Variants in HMCN1 observed in about 807,000 individuals in gnomAD.
HMCN1 encodes hemicentin-1.
A neutral mutation model predicts 625.9 loss-of-function variants in HMCN1; 321 were observed. The observed-to-expected ratio is 0.51, with a 90% confidence interval of 0.47 to 0.56. The LOEUF is 0.56. HMCN1 is among the 20% of genes least tolerant of loss of function. The pLI is 0.00. For missense variants in HMCN1, 6,588 were observed against 6,887.3 expected, an observed-to-expected ratio of 0.96 and a Z score of 1.54; for synonymous variants, 2,425 against 2,417.6, an observed-to-expected ratio of 1.00 and a Z score of -0.09.
chr1:185,803,664 G>T (rs1279469405), intron 1 of HMCN1, among the ~76,000 whole-genome samples: 1 of 152,080 alleles, frequency 6.6e-6, no homozygotes, highest in Non-Finnish European at 1.5e-5. Context: ...GTGAGATTAG[G>T]TAGAATTCTA....
intron 71 of HMCN1, among the ~76,000 whole-genome samples, 169 bp downstream of exon 71, chr1:186,108,766 AT>A (rs1660742068): frequency 6.6e-6 from 1 of 152,130 alleles, no homozygotes. Context: ...TATTTGCTTT[AT>A]TATTTGCCTT....
intron 52 of HMCN1, among the ~76,000 whole-genome samples, chr1:186,071,830 A>T (rs949472309): frequency 2.6e-5 from 4 of 152,166 alleles, no homozygotes; most frequent in African/African-American, 9.6e-5. Flanking sequence ...TCAATTCTTT[A>T]TGAGTTTACT....
intron 98 of HMCN1, 34 bp downstream of exon 98, chr1:186,165,207 A>C: frequency 6.4e-7 from 1 of 1,569,148 alleles, no homozygotes; most frequent in Non-Finnish European, 8.8e-7. Context: ...GTTTTCTTTT[A>C]ATGAAAATGT....
At chr1:185,800,311 G>A (rs190406152) in intron 1 of HMCN1, among the ~76,000 whole-genome samples, 4 of 152,156 alleles carry the variant, frequency 2.6e-5, no homozygotes, top group East Asian at 1.9e-4. Flanking sequence ...TCCCTTAGAC[G>A]ATCTAGTTGA....
At chr1:186,117,660 G>C in intron 77 of HMCN1, 37 bp downstream of exon 77, 1 of 1,585,976 alleles carries the variant, frequency 6.3e-7, no homozygotes, top group Non-Finnish European at 8.7e-7. Flanking sequence ...TCTATTGATT[G>C]TATTATTTAT....
chr1:185,873,514 C>T (rs1663755036), intron 4 of HMCN1, among the ~76,000 whole-genome samples: 1 of 152,196 alleles, frequency 6.6e-6, no homozygotes, highest in African/African-American at 2.4e-5. Flanking sequence ...CACAAGGGAA[C>T]ATGCAAAAAA....
chr1:185,951,693 C>T (rs530444644), intron 11 of HMCN1, among the ~76,000 whole-genome samples: 4 of 151,828 alleles, frequency 2.6e-5, no homozygotes, highest in South Asian at 2.1e-4. Context: ...ACAGATGGGA[C>T]GTGGCTTAGG....
At position 186,189,844 on chromosome 1, in the gene HMCN1, T is replaced by A; in HGVS notation, c.16874T>A (p.Ile5625Lys). 1.8e-5 allele frequency: 29 copies of A among 1,613,806 alleles called. No individual in the cohort carries two copies. The highest frequency in any genetic ancestry group is 2.5e-5 in the Non-Finnish European group (29 of 1,179,796). Reference sequence around the variant, plus strand: ...ACCATTGAATATCAGACCACATTCATAGTTTATATAGCTGTGTCCGCCTAT... The same window carrying A: ...ACCATTGAATATCAGACCACATTCAAAGTTTATATAGCTGTGTCCGCCTAT... ...NGTIEYQTTF[I>K]VYIAVSAYPY The change falls in exon 107 of 107, where the codon ATA (isoleucine) becomes AAA (lysine). Residue 5625 changes from isoleucine to lysine, a missense_variant. By Grantham distance (102) the Ile-to-Lys change is moderately radical (BLOSUM62 -3). Around this residue, in one of 3 missense-constraint regions of HMCN1, gnomAD observed 1,954 missense variants for 2,013.1 expected, o/e 0.97. Coordinates refer to ENST00000271588, the MANE Select transcript of HMCN1 (RefSeq NM_031935.3).
At position 185,949,146 on chromosome 1, in the gene HMCN1, A is replaced by T. The variant is rs868684990; in HGVS notation, c.1829-13372A>T. 4.0e-3 allele frequency among the ~76,000 whole-genome samples: 607 copies of T among 151,434 alleles called. 8 individuals are homozygous for T. The highest frequency in any genetic ancestry group is 0.014 in the African/African-American group (569 of 40,858). The stretch of plus-strand genomic sequence containing the variant: ...AGATTATTTATTTACTTCAAGAGTT[A>T]AGAGTGGCAGTTTGGGGATAGCACC... On this transcript the variant is annotated intron_variant, in intron 11 of 106. Transcript: ENST00000271588.
At chr1:185,970,131 A>T (rs750855209) in intron 14 of HMCN1, among the ~76,000 whole-genome samples, 3 of 152,210 alleles carry the variant, frequency 2.0e-5, no homozygotes, top group African/African-American at 4.8e-5. Context: ...TTAGTTACAC[A>T]TACAGATATA....
Position 185,828,436 on chromosome 1 carries a change from T to C in HMCN1, c.269-17590T>C, listed in dbSNP as rs1273567794. On this transcript the variant is annotated intron_variant, in intron 1 of 106. Coordinates refer to ENST00000271588, the MANE Select transcript of HMCN1 (RefSeq NM_031935.3). Reference sequence around the variant, plus strand: ...TATGTACTAACAACATCAACATTCATAGAACAAAACAATAACAGAAGATAT... The same window carrying C: ...TATGTACTAACAACATCAACATTCACAGAACAAAACAATAACAGAAGATAT... Among the ~76,000 whole-genome samples the C allele has an allele frequency of 2.6e-5, 4 of 152,080 alleles. No homozygotes were observed. In the East Asian group the frequency reaches 7.7e-4, roughly 29 times the overall value.
chr1:186,117,267 G>A lies in HMCN1; in HGVS notation c.11683+152G>A, dbSNP rs997015586. ...GCAGGTTCGTTATATGGGTAAACTA[G>A]TGTCATGGGGGTTTGTTGTACAAAT... is the stretch of plus-strand genomic sequence containing the variant. On this transcript the variant is annotated intron_variant, in intron 76 of 106. Coordinates refer to ENST00000271588, the MANE Select transcript of HMCN1 (RefSeq NM_031935.3). 7.7e-6 allele frequency: 9 copies of A among 1,168,616 alleles called. No homozygotes were observed. In the African/African-American group the frequency reaches 1.4e-4, roughly 18 times the overall value. The allele number at this position is 1,168,616 out of a possible 1,614,324, so 72.4% of individuals were successfully genotyped here. A position where few individuals can be genotyped will look rare whatever the true frequency, so the allele number is the denominator to read the frequency against.
At chr1:186,130,985 TACAA>T (rs1337989949) in intron 85 of HMCN1, among the ~76,000 whole-genome samples, 1 of 152,148 alleles carries the variant, frequency 6.6e-6, no homozygotes, top group African/African-American at 2.4e-5. Context: ...ATTGAAGAAT[TACAA>T]ACACAGTTAC....
At position 186,016,361 on chromosome 1, in the gene HMCN1, A is replaced by G. The variant is rs1007857923; in HGVS notation, c.5191+122A>G. 2.5e-5 allele frequency: 22 copies of G among 891,228 alleles called. No homozygotes were observed. The Admixed American group carries it at 3.0e-4, about 12-fold the overall frequency. The allele number at this position is 891,228 out of a possible 1,614,324, so 55.2% of individuals were successfully genotyped here. A position where few individuals can be genotyped will look rare whatever the true frequency, so the allele number is the denominator to read the frequency against. ...AAAAGAAGGTATAGTCCTCTGTGCA[A>G]CTGTGGATTGCACATTACCAAGGGG... On this transcript the variant is annotated intron_variant, in intron 32 of 106. Coordinates refer to ENST00000271588, the MANE Select transcript of HMCN1 (RefSeq NM_031935.3).
chr1:186,165,490 T>G (rs1410828017), intron 98 of HMCN1, among the ~76,000 whole-genome samples: 1 of 152,234 alleles, frequency 6.6e-6, no homozygotes, highest in Non-Finnish European at 1.5e-5. Flanking sequence ...TGCTATACTT[T>G]ATCTGGTGGC....
chr1:186,174,741 C>T, intron 103 of HMCN1, 99 bp downstream of exon 103: 3 of 1,054,022 alleles, frequency 2.8e-6, no homozygotes, highest in South Asian at 2.6e-5. Context: ...CAAATGGTCT[C>T]TTGTTACAAT....
At chr1:186,064,809 CAAAAAA>C (rs541377417) in intron 48 of HMCN1, among the ~76,000 whole-genome samples, 3 of 95,578 alleles carry the variant, frequency 3.1e-5, no homozygotes, top group African/African-American at 1.2e-4. Context: ...GACTTCATCT[CAAAAAA>C]AAAAAAAAAA....
At chr1:186,140,373 GA>G (rs1450939640) in intron 89 of HMCN1, among the ~76,000 whole-genome samples, 1 of 152,058 alleles carries the variant, frequency 6.6e-6, no homozygotes, top group Non-Finnish European at 1.5e-5. Flanking sequence ...AAGTATTTTA[GA>G]GAAGACAATT....
intron 4 of HMCN1, among the ~76,000 whole-genome samples, chr1:185,873,553 G>A (rs1346816923): frequency 1.3e-5 from 2 of 151,992 alleles, no homozygotes; most frequent in African/African-American, 4.8e-5. Flanking sequence ...ATAAAATTCT[G>A]TTGAGCAGTT....
Sources: allele counts gnomAD v4.1 joint callset (sites outside exome capture counted in the v4.1 genomes callset), GRCh38; gene constraint gnomAD v4.1.1; regional missense constraint gnomAD v4.1.1; transcripts MANE v1.5; gene names NCBI Gene and HGNC (gene_info 2026-07-23, HGNC 2026-07-21).